The following CDH1 variants were observed in gnomAD, a reference collection of about 807,000 sequenced individuals.
The protein encoded by CDH1 is cadherin 1.
CDH1 carries 35 observed loss-of-function variants against 84.5 expected under a neutral mutation model. The observed-to-expected ratio is 0.41, with a 90% CI of 0.32 to 0.55. The LOEUF is 0.55. Ranked by LOEUF, CDH1 falls within the 20% of genes least tolerant of loss-of-function variation. The probability of loss-of-function intolerance (pLI) is 0.19; values close to 1 mark genes in which losing one functional copy is unlikely to be tolerated. For missense variants in CDH1, 994 were observed against 1,126.6 expected, an observed-to-expected ratio of 0.88 and a Z score of 1.68; for synonymous variants, 417 against 439.0, an observed-to-expected ratio of 0.95 and a Z score of 0.63.
chr16:68,808,134 T>C (rs1960715394), intron 3 of CDH1, among the ~76,000 whole-genome samples: 1 of 152,180 alleles, frequency 6.6e-6, no homozygotes, highest in East Asian at 1.9e-4. Context: ...TATCAAACCC[T>C]GAAACCAATA....
chr16:68,738,489 C>T lies in CDH1; in HGVS notation c.163+78C>T, dbSNP rs1375496179. The stretch of plus-strand genomic sequence containing the variant: ...GGCCGAGAAATTGCACTCCCACACC[C>T]CTGGGTTGCAATGGGCAAGCTCCCT... On this transcript the variant is annotated intron_variant, in intron 2 of 15. Coordinates refer to ENST00000261769, the MANE Select transcript of CDH1 (RefSeq NM_004360.5). The T allele has an allele frequency of 4.1e-6, 4 of 977,104 alleles. No homozygotes were observed. The Admixed American group carries it at 9.6e-5, about 23-fold the overall frequency. 60.5% of individuals were successfully genotyped at this position (977,104 alleles called of 1,614,324 possible). A position where few individuals can be genotyped will look rare whatever the true frequency, so the allele number is the denominator to read the frequency against.
At chr16:68,791,905 C>T (rs1960218203) in intron 2 of CDH1, among the ~76,000 whole-genome samples, 3 of 151,848 alleles carry the variant, frequency 2.0e-5, no homozygotes, top group Admixed American at 1.3e-4. Context: ...GAGGTGGGGA[C>T]GTCTGCCTAT....
intron 2 of CDH1, among the ~76,000 whole-genome samples, chr16:68,768,834 T>C (rs1420765313): frequency 6.6e-6 from 1 of 152,224 alleles, no homozygotes; most frequent in Non-Finnish European, 1.5e-5. Context: ...GTATAAGTAA[T>C]GGCATTTTAC....
At chr16:68,826,348 T>C (rs1219370173) in intron 13 of CDH1, among the ~76,000 whole-genome samples, 3 of 152,106 alleles carry the variant, frequency 2.0e-5, no homozygotes, top group Non-Finnish European at 2.9e-5. Flanking sequence ...GTTCTCACTA[T>C]GTTACTCACA....
At chr16:68,824,997 A>G (rs960799915) in intron 13 of CDH1, among the ~76,000 whole-genome samples, 1 of 152,090 alleles carries the variant, frequency 6.6e-6, no homozygotes, top group Non-Finnish European at 1.5e-5. Flanking sequence ...ATGGTGGCTC[A>G]CTCTTTGGGA....
At chr16:68,827,341 C>A (rs912253753) in intron 13 of CDH1, among the ~76,000 whole-genome samples, 2 of 148,906 alleles carry the variant, frequency 1.3e-5, no homozygotes, top group African/African-American at 5.1e-5. Context: ...TACTTGGGCA[C>A]CCATGGATAG....
At chr16:68,786,816 C>T (rs1960065253) in intron 2 of CDH1, among the ~76,000 whole-genome samples, 1 of 152,206 alleles carries the variant, frequency 6.6e-6, no homozygotes, top group African/African-American at 2.4e-5. Context: ...TCTGCAAGCA[C>T]ATGTGACCTG....
intron 1 of CDH1, 132 bp downstream of exon 1, chr16:68,737,595 C>T: frequency 2.3e-6 from 2 of 856,442 alleles, no homozygotes; most frequent in East Asian, 2.7e-5. Flanking sequence ...AGGAGCGGAG[C>T]GGCCTGGAAG....
At chr16:68,783,773 T>G (rs1597872176) in intron 2 of CDH1, among the ~76,000 whole-genome samples, 2 of 151,784 alleles carry the variant, frequency 1.3e-5, no homozygotes, top group African/African-American at 2.4e-5. Flanking sequence ...ACCTCCCGGG[T>G]TCAAGCAATT....
chr16:68,761,672 C>T (rs1959227527), intron 2 of CDH1, among the ~76,000 whole-genome samples: 1 of 152,116 alleles, frequency 6.6e-6, no homozygotes, highest in Non-Finnish European at 1.5e-5. Flanking sequence ...CTAGGGTGAT[C>T]TGAGAAGGCC....
chr16:68,822,686 G>A (rs904397029), intron 12 of CDH1: 3 of 315,678 alleles, frequency 9.5e-6, no homozygotes, highest in African/African-American at 6.5e-5. Context: ...CTTCTCTCTG[G>A]GCTTCTATTT....
chr16:68,759,786 G>T (rs943676225), intron 2 of CDH1, among the ~76,000 whole-genome samples: 1 of 152,216 alleles, frequency 6.6e-6, no homozygotes, highest in East Asian at 1.9e-4. Context: ...GAGCCACCAC[G>T]CCGGGCCTGA....
chr16:68,792,011 C>T (rs1289515799), intron 2 of CDH1, among the ~76,000 whole-genome samples: 1 of 151,766 alleles, frequency 6.6e-6, no homozygotes, highest in Non-Finnish European at 1.5e-5. Flanking sequence ...ACCTCCACCT[C>T]CCAGGTTCAA....
intron 2 of CDH1, among the ~76,000 whole-genome samples, chr16:68,800,560 G>A (rs1347775128): frequency 6.6e-6 from 1 of 152,148 alleles, no homozygotes; most frequent in Non-Finnish European, 1.5e-5. Context: ...AGGACGGCAG[G>A]AATTTTTATA....
At chr16:68,796,100 T>G (rs1296529863) in intron 2 of CDH1, among the ~76,000 whole-genome samples, 3 of 151,448 alleles carry the variant, frequency 2.0e-5, no homozygotes, top group Non-Finnish European at 1.5e-5. Context: ...GAGGTGGAGG[T>G]TGCAGTGAGT....
intron 2 of CDH1, among the ~76,000 whole-genome samples, chr16:68,755,112 A>G (rs563330925): frequency 6.6e-6 from 1 of 152,016 alleles, no homozygotes; most frequent in Admixed American, 6.6e-5. Context: ...CCCCGCCTCT[A>G]CAAAAAATCC....
chr16:68,747,710 G>T (rs999989575), intron 2 of CDH1, among the ~76,000 whole-genome samples: 1 of 151,868 alleles, frequency 6.6e-6, no homozygotes, highest in Non-Finnish European at 1.5e-5. Flanking sequence ...TGATAGCACT[G>T]CTCTGTACCT....
intron 13 of CDH1, among the ~76,000 whole-genome samples, chr16:68,824,856 CAA>C (rs1258289357): frequency 6.6e-6 from 1 of 152,152 alleles, no homozygotes; most frequent in Non-Finnish European, 1.5e-5. Flanking sequence ...CATCAAAAGA[CAA>C]AGTATCCATA....
In CDH1 at chr16:68,822,473, C is replaced by A. The variant is rs1187648340; in HGVS notation, c.1936+248C>A. 1.9e-5 allele frequency: 11 copies of A among 579,626 alleles called. No individual in the cohort carries two copies. The East Asian group carries it at 3.3e-4, about 18-fold the overall frequency. 35.9% of individuals were successfully genotyped at this position (579,626 alleles called of 1,614,324 possible). On this transcript the variant is annotated intron_variant, in intron 12 of 15. Transcript: ENST00000261769. ...AGGGCTCCCTCTCCCAGCCTCTAGC[C>A]ACCCTCCACTCCCCTCTCCACTTGC... is the stretch of plus-strand genomic sequence containing the variant.
Sources: allele counts gnomAD v4.1 joint callset (sites outside exome capture counted in the v4.1 genomes callset), GRCh38; gene constraint gnomAD v4.1.1; transcripts MANE v1.5; gene names NCBI Gene and HGNC (gene_info 2026-07-23, HGNC 2026-07-21).